The following EPHA3 variants were observed in gnomAD, a reference collection of about 807,000 sequenced individuals.
The protein encoded by EPHA3 is ephrin type-A receptor 3.
A neutral mutation model predicts 107.1 loss-of-function variants in EPHA3; 42 were observed. The observed-to-expected ratio is 0.39, with a 90% CI of 0.31 to 0.51. The LOEUF (loss-of-function observed/expected upper bound fraction) is 0.51. Ranked by LOEUF, EPHA3 falls within the 20% of genes least tolerant of loss-of-function variation. The pLI is 0.78. For synonymous variants in EPHA3, 461 were observed against 424.8 expected (o/e 1.09, Z -1.05); for missense variants, 1,183 against 1,211.2 (o/e 0.98, Z 0.35).
intron 1 of EPHA3, among the ~76,000 whole-genome samples, chr3:89,109,058 A>T (rs1470847938): frequency 6.6e-6 from 1 of 152,142 alleles, no homozygotes; most frequent in Admixed American, 6.5e-5. Flanking sequence ...ATTAAATGTA[A>T]TAACTGCCTG....
chr3:89,302,451 A>T (rs184490773), intron 3 of EPHA3, among the ~76,000 whole-genome samples: 1 of 152,224 alleles, frequency 6.6e-6, no homozygotes, highest in East Asian at 1.9e-4. Context: ...TTTATTTTCT[A>T]TCCATTTGAG....
chr3:89,252,290 A>G (rs147074433), intron 3 of EPHA3, among the ~76,000 whole-genome samples: 258 of 152,310 alleles, frequency 1.7e-3, no homozygotes, highest in Middle Eastern at 6.8e-3. Context: ...TTAAACATAT[A>G]TTATGCTGGA....
chr3:89,458,527 T>A (rs1710147028), intron 15 of EPHA3, among the ~76,000 whole-genome samples: 1 of 152,168 alleles, frequency 6.6e-6, no homozygotes, highest in Non-Finnish European at 1.5e-5. Flanking sequence ...ATCCATTGGG[T>A]ATATACCCAG....
intron 2 of EPHA3, among the ~76,000 whole-genome samples, chr3:89,192,819 A>C (rs1705751123): frequency 6.6e-6 from 1 of 152,102 alleles, no homozygotes; most frequent in African/African-American, 2.4e-5. Context: ...AAATAAAATA[A>C]GGAGCCATCC....
At chr3:89,467,969 C>T (rs73141108) in intron 15 of EPHA3, among the ~76,000 whole-genome samples, 29,058 of 152,070 alleles carry the variant, frequency 0.19, 3,368 homozygotes, top group Non-Finnish European at 0.25. Context: ...GCACATCACC[C>T]AGCCTATAAA....
At chr3:89,188,908 G>C (rs1448296493) in intron 2 of EPHA3, among the ~76,000 whole-genome samples, 1 of 152,030 alleles carries the variant, frequency 6.6e-6, no homozygotes, top group Non-Finnish European at 1.5e-5. Context: ...ACTGCTATTT[G>C]TTTATCTAAC....
At chr3:89,400,763 G>A (rs1176815327) in intron 7 of EPHA3, among the ~76,000 whole-genome samples, 6 of 152,006 alleles carry the variant, frequency 3.9e-5, no homozygotes, top group Non-Finnish European at 7.4e-5. Context: ...TTCTTACAGG[G>A]CACAAACCAG....
chr3:89,121,230 C>T (rs1358346878), intron 1 of EPHA3, among the ~76,000 whole-genome samples: 1 of 149,324 alleles, frequency 6.7e-6, no homozygotes, highest in Non-Finnish European at 1.5e-5. Flanking sequence ...AGCGAGACTC[C>T]GTCTCAAAAA....
chr3:89,192,060 G>T (rs1314599341), intron 2 of EPHA3, among the ~76,000 whole-genome samples: 1 of 152,066 alleles, frequency 6.6e-6, no homozygotes, highest in South Asian at 2.1e-4. Flanking sequence ...TTCATCTTTT[G>T]AAAGGAGATA....
chr3:89,341,042 A>G lies in EPHA3; in HGVS notation c.941A>G (p.Asp314Gly). The change falls in exon 4 of 17, where the codon GAC becomes GGC. Residue 314 changes from aspartate (D) to glycine (G), a missense_variant. Physicochemically the swap from Asp to Gly is moderately conservative, Grantham distance 94. Transcript: ENST00000336596. ...TGTGAGAATAATTACTTCCGGGCAGACAAAGACCCTCCATCCATGGCTTGT... is the reference window on the plus strand; with the variant it reads ...TGTGAGAATAATTACTTCCGGGCAGGCAAAGACCCTCCATCCATGGCTTGT... ...CRCENNYFRA[D>G]KDPPSMACTR... 6.2e-7 allele frequency: 1 copy of G among 1,614,050 alleles called. No individual in the cohort carries two copies. The highest frequency in any genetic ancestry group is 8.5e-7 in the Non-Finnish European group (1 of 1,179,990).
chr3:89,281,138 C>T (rs1705937805), intron 3 of EPHA3, among the ~76,000 whole-genome samples: 1 of 152,008 alleles, frequency 6.6e-6, no homozygotes, highest in Non-Finnish European at 1.5e-5. Context: ...ATTATCCTGC[C>T]TCAGCCTCTT....
intron 2 of EPHA3, among the ~76,000 whole-genome samples, chr3:89,190,074 T>C (rs1484144917): frequency 6.6e-6 from 1 of 152,074 alleles, no homozygotes; most frequent in East Asian, 1.9e-4. Flanking sequence ...CAGCTCAAGG[T>C]TTTACTATTT....
chr3:89,478,715 C>A (rs1053140388), intron 16 of EPHA3, among the ~76,000 whole-genome samples: 1 of 152,068 alleles, frequency 6.6e-6, no homozygotes, highest in African/African-American at 2.4e-5. Context: ...TCAATTCTGG[C>A]GTACTCTGTT....
At chr3:89,341,135 G>A (rs1029310479) in intron 4 of EPHA3, 64 bp downstream of exon 4, 8 of 1,495,978 alleles carry the variant, frequency 5.3e-6, no homozygotes, top group Non-Finnish European at 7.2e-6. Flanking sequence ...TTACTGTGCT[G>A]TTTGTTTTTG....
chr3:89,240,591 G>T (rs1576257247), intron 3 of EPHA3, among the ~76,000 whole-genome samples: 1 of 151,806 alleles, frequency 6.6e-6, no homozygotes. Context: ...CTAATATATA[G>T]TGTGTATATT....
At chr3:89,316,067 G>A (rs1243537283) in intron 3 of EPHA3, among the ~76,000 whole-genome samples, 1 of 151,480 alleles carries the variant, frequency 6.6e-6, no homozygotes, top group Non-Finnish European at 1.5e-5. Context: ...AAAAAATAAC[G>A]CAAAAAATAA....
chr3:89,421,665 G>A (rs1414485052), intron 11 of EPHA3, among the ~76,000 whole-genome samples: 2 of 151,046 alleles, frequency 1.3e-5, no homozygotes, highest in Non-Finnish European at 3.0e-5. Context: ...TTGTTTCAGT[G>A]TTATGAATTA....
intron 3 of EPHA3, among the ~76,000 whole-genome samples, chr3:89,300,692 T>C (rs1706463731): frequency 6.6e-6 from 1 of 152,096 alleles, no homozygotes; most frequent in Admixed American, 6.6e-5. Flanking sequence ...AGAGTTCAAG[T>C]TCTTAACCAC....
chr3:89,310,779 TTAACTA>T (rs1435473354), intron 3 of EPHA3, among the ~76,000 whole-genome samples: 1 of 152,034 alleles, frequency 6.6e-6, no homozygotes, highest in East Asian at 1.9e-4. Context: ...TGTCATCTGT[TTAACTA>T]TAAGAGCTAG....
Sources: allele counts gnomAD v4.1 joint callset (sites outside exome capture counted in the v4.1 genomes callset), GRCh38; gene constraint gnomAD v4.1.1; transcripts MANE v1.5; gene names NCBI Gene and HGNC (gene_info 2026-07-23, HGNC 2026-07-21).